The following MGMT variants were observed in gnomAD, a reference collection of about 807,000 sequenced individuals.
The protein encoded by MGMT is O-6-methylguanine-DNA methyltransferase.
Under a neutral mutation model 15.9 loss-of-function variants are expected in MGMT, and 14 were observed. The observed-to-expected ratio is 0.88, with a 90% CI of 0.58 to 1.37. MGMT has a LOEUF of 1.37. Ranked by LOEUF, MGMT falls within the 40% of genes most tolerant of loss-of-function variation. The probability of loss-of-function intolerance (pLI) is 0.00; values close to 1 mark genes in which losing one functional copy is unlikely to be tolerated. For missense variants in MGMT, 282 were observed against 268.1 expected (o/e 1.05, Z -0.36); for synonymous variants, 130 against 118.2 (o/e 1.10, Z -0.65).
At chr10:129,679,585 A>G (rs1435669377) in intron 2 of MGMT, among the ~76,000 whole-genome samples, 1 of 152,160 alleles carries the variant, frequency 6.6e-6, no homozygotes, top group African/African-American at 2.4e-5. Context: ...GTAATAGGAT[A>G]TCCTTTAGGA....
At position 129,769,719 on chromosome 10, in the gene MGMT, T is replaced by C. The variant is rs1385582037; in HGVS notation, c.*2722T>C. Among the ~76,000 whole-genome samples, 2 of 152,230 alleles carry C rather than the reference T, an allele frequency of 1.3e-5. No individual in the cohort carries two copies. The highest frequency in any genetic ancestry group is 2.9e-5 in the Non-Finnish European group (2 of 68,046). Reference sequence around the variant, plus strand: ...TCCTTCTCCCAGTCTCTCTTCCCGCTGGGAACAGAAGTGTCCAGTAAACCC... The same window carrying C: ...TCCTTCTCCCAGTCTCTCTTCCCGCCGGGAACAGAAGTGTCCAGTAAACCC... On this transcript the variant is annotated 3_prime_UTR_variant, in exon 5 of 5. Coordinates refer to ENST00000651593, the MANE Select transcript of MGMT (RefSeq NM_002412.5).
chr10:129,543,777 G>A (rs1406956320), intron 2 of MGMT, among the ~76,000 whole-genome samples: 2 of 152,186 alleles, frequency 1.3e-5, no homozygotes, highest in Non-Finnish European at 2.9e-5. Flanking sequence ...GTGTGCCTGT[G>A]TCTGTGAGTC....
intron 2 of MGMT, among the ~76,000 whole-genome samples, chr10:129,688,779 G>A (rs115607069): frequency 0.011 from 1,689 of 152,168 alleles, 30 homozygotes; most frequent in African/African-American, 0.038. Flanking sequence ...AAAGAACAAC[G>A]TTTTTATTCT....
intron 2 of MGMT, among the ~76,000 whole-genome samples, chr10:129,567,577 C>A (rs919754542): frequency 2.0e-5 from 3 of 152,182 alleles, no homozygotes; most frequent in Admixed American, 6.5e-5. Flanking sequence ...AGGGAAGTAG[C>A]AACCTTATTC....
rs183350137 is a variant in MGMT at position 129,687,315 on chromosome 10, C to T, written c.126-20580C>T. ...GTTATGTCTCACCAATGCACCACAA[C>T]GTAGCAGTCTCTCATAGCCCGACGT... On this transcript the variant is annotated intron_variant, in intron 2 of 4. Coordinates refer to ENST00000651593, the MANE Select transcript of MGMT (RefSeq NM_002412.5). Among the ~76,000 whole-genome samples the T allele has an allele frequency of 1.9e-4, 29 of 152,180 alleles. 1 individual carries two copies. Among genetic ancestry groups the T allele is most frequent in the African/African-American group, 6.0e-4 (25 of 41,508 alleles).
chr10:129,643,491 A>G (rs1847351302), intron 2 of MGMT, among the ~76,000 whole-genome samples: 1 of 152,176 alleles, frequency 6.6e-6, no homozygotes, highest in African/African-American at 2.4e-5. Flanking sequence ...AGGCTTGCTC[A>G]GAAGACGTGG....
intron 2 of MGMT, among the ~76,000 whole-genome samples, chr10:129,685,538 C>T (rs1378052618): frequency 6.6e-6 from 1 of 152,188 alleles, no homozygotes; most frequent in African/African-American, 2.4e-5. Context: ...CTCCTCTCCC[C>T]GGGGCCCTTT....
chr10:129,504,517 C>T (rs532502886), intron 1 of MGMT, among the ~76,000 whole-genome samples: 9 of 152,198 alleles, frequency 5.9e-5, no homozygotes, highest in Admixed American at 2.0e-4. Flanking sequence ...GGTTGCAGGA[C>T]GACACTGTTG....
chr10:129,467,401 T>G (rs16906255), intron 1 of MGMT, 105 bp downstream of exon 1: 1,330,506 of 1,382,598 alleles, frequency 0.96, 641,053 homozygotes, highest in Non-Finnish European at 0.97. Flanking sequence ...CCGTCGGGTG[T>G]GGGGCCGCCC....
intron 2 of MGMT, among the ~76,000 whole-genome samples, chr10:129,661,884 A>G (rs1847602279): frequency 6.6e-6 from 1 of 152,172 alleles, no homozygotes; most frequent in Non-Finnish European, 1.5e-5. Flanking sequence ...AGGTTTTTCT[A>G]CATAGATGGT....
At chr10:129,480,187 C>T (rs1280873902) in intron 1 of MGMT, among the ~76,000 whole-genome samples, 1 of 152,106 alleles carries the variant, frequency 6.6e-6, no homozygotes, top group South Asian at 2.1e-4. Flanking sequence ...AATCTGGCCT[C>T]ACTCAGGTAA....
At chr10:129,736,490 A>G (rs1218842030) in intron 3 of MGMT, among the ~76,000 whole-genome samples, 2 of 146,510 alleles carry the variant, frequency 1.4e-5, no homozygotes, top group South Asian at 2.2e-4. Flanking sequence ...AATACAGCAC[A>G]CTGATGGGTC....
intron 1 of MGMT, among the ~76,000 whole-genome samples, chr10:129,502,592 G>A (rs1266436256): frequency 2.0e-5 from 3 of 151,990 alleles, no homozygotes; most frequent in Non-Finnish European, 4.4e-5. Context: ...TATGTGAGTC[G>A]TCTCTCCCTG....
intron 2 of MGMT, among the ~76,000 whole-genome samples, chr10:129,675,371 A>T (rs1396627878): frequency 6.6e-6 from 1 of 152,192 alleles, no homozygotes; most frequent in Non-Finnish European, 1.5e-5. Context: ...GCAGGGAATG[A>T]CTGGGTTTAG....
intron 3 of MGMT, among the ~76,000 whole-genome samples, chr10:129,754,122 T>TAC (rs1224781463): frequency 6.6e-6 from 1 of 152,158 alleles, no homozygotes; most frequent in Non-Finnish European, 1.5e-5. Context: ...TAGGGTCAGA[T>TAC]ACACATGTGC....
rs117305088 is a variant in MGMT, at chr10:129,600,541, G to A, written c.125+64164G>A. ...CCGACTGTGGAGCCATTTCTTAAGA[G>A]AGGGAGGTTGGCAGGTAGCTGGTGA... On this transcript the variant is annotated intron_variant, in intron 2 of 4. Transcript: ENST00000651593. Among the ~76,000 whole-genome samples, 463 of 152,356 alleles carry A rather than the reference G, an allele frequency of 3.0e-3. 22 individuals are homozygous for A. The South Asian group carries it at 0.063, about 21-fold the overall frequency.
At chr10:129,511,483 C>T (rs1399909690) in intron 1 of MGMT, among the ~76,000 whole-genome samples, 2 of 150,052 alleles carry the variant, frequency 1.3e-5, no homozygotes, top group East Asian at 2.0e-4. Flanking sequence ...GACGCAGCCA[C>T]GTGCTTCTTG....
chr10:129,604,483 G>A (rs1846863783), intron 2 of MGMT, among the ~76,000 whole-genome samples: 1 of 152,230 alleles, frequency 6.6e-6, no homozygotes, highest in African/African-American at 2.4e-5. Flanking sequence ...TGCTTTCTCA[G>A]ATGTGTGACT....
At chr10:129,682,199 A>G (rs1024986296) in intron 2 of MGMT, among the ~76,000 whole-genome samples, 8 of 152,156 alleles carry the variant, frequency 5.3e-5, no homozygotes, top group Admixed American at 5.2e-4. Flanking sequence ...ACAAGTGTCC[A>G]TGTCAACTTT....
Sources: allele counts gnomAD v4.1 joint callset (sites outside exome capture counted in the v4.1 genomes callset), GRCh38; gene constraint gnomAD v4.1.1; transcripts MANE v1.5; gene names NCBI Gene and HGNC (gene_info 2026-07-23, HGNC 2026-07-21).